Variants in CSMD1 observed in about 807,000 individuals in gnomAD.
The protein encoded by CSMD1 is CUB and Sushi multiple domains 1.
Under a neutral mutation model 417.5 loss-of-function variants are expected in CSMD1, and 213 were observed. The ratio of observed to expected loss-of-function variants is 0.51; its 90% CI spans 0.46 to 0.57. The LOEUF (loss-of-function observed/expected upper bound fraction) is 0.57. Among genes scored for constraint, CSMD1 ranks in the 20% least tolerant of loss-of-function variants. The probability of loss-of-function intolerance (pLI) is 0.00; values close to 1 mark genes in which losing one functional copy is unlikely to be tolerated. For synonymous variants in CSMD1, 2,862 were observed against 1,736.8 expected (o/e 1.65, Z -16.11); for missense variants, 6,923 against 4,529.7 (o/e 1.53, Z -15.17).
chr8:3,363,899 G>A (rs1297788266), intron 20 of CSMD1, among the ~76,000 whole-genome samples: 1 of 152,262 alleles, frequency 6.6e-6, no homozygotes, highest in East Asian at 1.9e-4. Context: ...TGGGGATTGT[G>A]CAGGTTTATC....
intron 2 of CSMD1, among the ~76,000 whole-genome samples, chr8:4,498,801 C>T (rs1232843466): frequency 6.6e-6 from 1 of 152,184 alleles, no homozygotes; most frequent in South Asian, 2.1e-4. Context: ...AGAGTTATTA[C>T]CGAGATTCCC....
At chr8:4,912,122 C>CAAAAAAAAAAAAAAAAAAAAAA (rs36194482) in intron 1 of CSMD1, among the ~76,000 whole-genome samples, 23 of 84,520 alleles carry the variant, frequency 2.7e-4, no homozygotes, top group Admixed American at 5.5e-4. Flanking sequence ...AACATAGCTT[C>CAAAAAAAAAAAAAAAAAAAAAA]AAAAAAAAAA....
intron 2 of CSMD1, among the ~76,000 whole-genome samples, chr8:4,543,451 C>G (rs1797488818): frequency 6.6e-6 from 1 of 152,072 alleles, no homozygotes; most frequent in African/African-American, 2.4e-5. Flanking sequence ...AAGTTTCCTC[C>G]ATGCCCTTGC....
intron 3 of CSMD1, among the ~76,000 whole-genome samples, chr8:4,133,734 T>C (rs552853910): frequency 6.9e-4 from 105 of 151,482 alleles, no homozygotes; most frequent in African/African-American, 2.6e-3. Context: ...TTTATGGTTA[T>C]GGTTTTTTTT....
chr8:3,979,862 A>G (rs188505072), intron 5 of CSMD1, among the ~76,000 whole-genome samples: 26 of 152,330 alleles, frequency 1.7e-4, no homozygotes, highest in African/African-American at 5.3e-4. Context: ...AGAGCTATTT[A>G]TACTGTAGAC....
intron 3 of CSMD1, among the ~76,000 whole-genome samples, chr8:4,288,438 TC>T (rs1196460203): frequency 6.6e-6 from 1 of 152,166 alleles, no homozygotes; most frequent in Non-Finnish European, 1.5e-5. Flanking sequence ...GAAATTCAAT[TC>T]AATGCTGTAG....
At chr8:4,947,929 G>A (rs1180353024) in intron 1 of CSMD1, among the ~76,000 whole-genome samples, 1 of 151,990 alleles carries the variant, frequency 6.6e-6, no homozygotes, top group South Asian at 2.1e-4. Context: ...TAATTCTTGG[G>A]TGCTTTGTGC....
At chr8:4,808,217 A>G (rs1016513736) in intron 1 of CSMD1, among the ~76,000 whole-genome samples, 1 of 152,216 alleles carries the variant, frequency 6.6e-6, no homozygotes, top group Non-Finnish European at 1.5e-5. Context: ...GTCGGTCAGC[A>G]GCGGTATAGG....
chr8:3,702,275 A>T (rs1251520434), intron 7 of CSMD1: 2 of 152,202 alleles, frequency 1.3e-5, no homozygotes, highest in African/African-American at 2.4e-5. Context: ...AGCTCATCTG[A>T]GTGAGCTACA....
At chr8:4,695,418 G>C (rs373703290) in intron 1 of CSMD1, among the ~76,000 whole-genome samples, 6 of 152,188 alleles carry the variant, frequency 3.9e-5, no homozygotes, top group African/African-American at 1.4e-4. Context: ...ATTGTAATTA[G>C]TCGCGGATGA....
At chr8:3,120,707 G>GGGC (rs1554431380) in intron 41 of CSMD1, among the ~76,000 whole-genome samples, 7 of 137,318 alleles carry the variant, frequency 5.1e-5, no homozygotes, top group African/African-American at 1.7e-4. Context: ...ATTAGCCAGG[G>GGGC]GGGGTGACCG....
chr8:3,275,109 G>A (rs1314213032), intron 26 of CSMD1, among the ~76,000 whole-genome samples: 2 of 152,118 alleles, frequency 1.3e-5, no homozygotes, highest in African/African-American at 2.4e-5. Context: ...CAGGAGCTCT[G>A]TTAGTGAAGG....
rs1800399698 is a variant in CSMD1, at chr8:3,800,561, T to C, written c.819-46519A>G. ...ATAGAGGTATGCAATGGCTTGGATA[T>C]GGTTGTCTCCACCAAAACCAATGTT... On this transcript the variant is annotated intron_variant, in intron 5 of 69. Transcript: ENST00000635120. 2.6e-5 allele frequency among the ~76,000 whole-genome samples: 4 copies of C among 152,134 alleles called. No individual in the cohort carries two copies. In the South Asian group the frequency reaches 8.3e-4, roughly 31 times the overall value.
chr8:3,808,736 C>G (rs754325790), intron 5 of CSMD1, among the ~76,000 whole-genome samples: 16 of 152,190 alleles, frequency 1.1e-4, no homozygotes, highest in African/African-American at 3.9e-4. Context: ...CTCTCTCTTT[C>G]CTAGCATAGC....
At chr8:4,169,566 T>C (rs1797648653) in intron 3 of CSMD1, among the ~76,000 whole-genome samples, 1 of 152,146 alleles carries the variant, frequency 6.6e-6, no homozygotes, top group South Asian at 2.1e-4. Context: ...TTTCTCATAT[T>C]TTGCTCTTCT....
At chr8:3,349,901 TA>T (rs1447895567) in intron 21 of CSMD1, among the ~76,000 whole-genome samples, 3 of 91,192 alleles carry the variant, frequency 3.3e-5, no homozygotes, top group Non-Finnish European at 6.6e-5. Context: ...TTATAATATA[TA>T]TTTATATATA....
chr8:3,766,300 G>C (rs1563057670), intron 5 of CSMD1, among the ~76,000 whole-genome samples: 1 of 152,164 alleles, frequency 6.6e-6, no homozygotes, highest in African/African-American at 2.4e-5. Context: ...CCCTCCACGG[G>C]TGACGCAGAT....
chr8:4,516,293 A>C (rs900248156), intron 2 of CSMD1, among the ~76,000 whole-genome samples: 1 of 152,092 alleles, frequency 6.6e-6, no homozygotes, highest in African/African-American at 2.4e-5. Flanking sequence ...AACCCCACTG[A>C]CACCGTGATC....
intron 47 of CSMD1, among the ~76,000 whole-genome samples, chr8:3,096,270 C>G (rs1175240317): frequency 6.6e-6 from 1 of 152,180 alleles, no homozygotes; most frequent in Non-Finnish European, 1.5e-5. Context: ...GCTGTGTCCC[C>G]TCCCAAATCT....
Sources: allele counts gnomAD v4.1 joint callset (sites outside exome capture counted in the v4.1 genomes callset), GRCh38; gene constraint gnomAD v4.1.1; transcripts MANE v1.5; gene names NCBI Gene and HGNC (gene_info 2026-07-23, HGNC 2026-07-21).